ACE: variants seen among roughly 807,000 people sequenced by gnomAD.
ACE encodes angiotensin-converting enzyme.
ACE carries 122 observed loss-of-function variants against 162.3 expected under a neutral mutation model. The observed-to-expected ratio is 0.75, with a 90% CI of 0.65 to 0.87. The LOEUF (loss-of-function observed/expected upper bound fraction) is 0.87. ACE is among the 40% of genes least tolerant of loss of function. The pLI, the probability that ACE is intolerant of heterozygous loss-of-function variation, is 0.00. For synonymous variants in ACE, 796 were observed against 720.6 expected, an observed-to-expected ratio of 1.10 and a Z score of -1.68; for missense variants, 1,799 against 1,735.1, an observed-to-expected ratio of 1.04 and a Z score of -0.65.
At chr17:63,479,746 G>A (rs760610513) in intron 3 of ACE, 23 bp from the exon 4 acceptor site, 11 of 1,612,562 alleles carry the variant, frequency 6.8e-6, no homozygotes, top group South Asian at 4.4e-5. Context: ...CCTCCTCACC[G>A]ACCCTGCCTG....
rs751127924 is a variant in ACE at position 63,491,000 on chromosome 17, G to T, written c.2688G>T (p.Val896=). 2 of 1,614,212 alleles carry T rather than the reference G, an allele frequency of 1.2e-6. No individual in the cohort carries two copies. The highest frequency in any genetic ancestry group is 1.1e-5 in the South Asian group (1 of 91,082). ...QTWSNIYDLV[V]PFPSAPSMDT... ...GGTCCAACATCTATGACTTGGTGGTGCCCTTCCCTTCAGCCCCCTCGATGG... is the reference window on the plus strand; with the variant it reads ...GGTCCAACATCTATGACTTGGTGGTTCCCTTCCCTTCAGCCCCCTCGATGG... Residue 896 remains valine, a synonymous_variant, in exon 18 of 25, where the codon GTG becomes GTT. Transcript: ENST00000290866.
chr17:63,493,526 C>G lies in ACE; in HGVS notation c.3003C>G (p.Asp1001Glu). The G allele has an allele frequency of 6.2e-7, 1 of 1,614,132 alleles. No individual in the cohort carries two copies. Among genetic ancestry groups the G allele is most frequent in the Non-Finnish European group, 8.5e-7 (1 of 1,180,042 alleles). The change falls in exon 20 of 25, where the codon GAC becomes GAG. Residue 1001 changes from aspartate to glutamate, a missense_variant. Physicochemically the swap from Asp to Glu is conservative, Grantham distance 45. Coordinates refer to ENST00000290866, the MANE Select transcript of ACE (RefSeq NM_000789.4). ...TCCAGTATTTCATGCAGTACAAAGA[C>G]TTACCTGTGGCCTTGAGGGAGGGTG... is the stretch of plus-strand genomic sequence containing the variant. The part of the protein sequence containing the change: ...GHIQYFMQYK[D>E]LPVALREGAN...
intron 4 of ACE, 113 bp downstream of exon 4, chr17:63,480,025 C>T: frequency 1.4e-6 from 2 of 1,465,360 alleles, no homozygotes; most frequent in South Asian, 2.4e-5. Context: ...TTCCAGCAGG[C>T]CCTGAGTTTC....
rs1389249873 is a variant in ACE at position 63,481,471 on chromosome 17, T to C, written c.946-95T>C. On this transcript the variant is annotated intron_variant, in intron 6 of 24. Coordinates refer to ENST00000290866, the MANE Select transcript of ACE (RefSeq NM_000789.4). ...TGGCCACAGAGCAGAGAAGCTTTCA[T>C]GCACAGGGAGTTGACCCGAGATGGG... is the stretch of plus-strand genomic sequence containing the variant. The C allele has an allele frequency of 1.2e-5, 17 of 1,387,096 alleles. No homozygotes were observed. In the East Asian group the frequency reaches 3.9e-4, roughly 32 times the overall value. The allele number at this position is 1,387,096 out of a possible 1,614,324, so 85.9% of individuals were successfully genotyped here.
intron 4 of ACE, 58 bp downstream of exon 4, chr17:63,479,970 C>A: frequency 6.4e-7 from 1 of 1,557,522 alleles, no homozygotes; most frequent in East Asian, 2.4e-5. Flanking sequence ...CAGCTGTCTC[C>A]CCAGAGTCCC....
chr17:63,489,188 G>A (rs957107965), intron 17 of ACE, 56 bp downstream of exon 17: 1 of 1,584,560 alleles, frequency 6.3e-7, no homozygotes. Flanking sequence ...GTGTGAGTGA[G>A]GGTTGGGACA....
At chr17:63,494,581 G>C (rs1400140905) in intron 22 of ACE, 111 bp downstream of exon 22, 2 of 991,578 alleles carry the variant, frequency 2.0e-6, no homozygotes, top group Non-Finnish European at 3.1e-6. Flanking sequence ...CAGACCCGGG[G>C]GAGCCGGCCG....
rs770787358 is a variant in ACE, at chr17:63,478,117, C to T, written c.417+19C>T. The T allele has an allele frequency of 1.3e-6, 2 of 1,565,752 alleles. No individual in the cohort carries two copies. The highest frequency in any genetic ancestry group is 1.2e-5 in the South Asian group (1 of 85,580). On this transcript the variant is annotated intron_variant, in intron 2 of 24. Coordinates refer to ENST00000290866, the MANE Select transcript of ACE (RefSeq NM_000789.4). ...GCAGCAGGTGGGCTGAGGGCTGAGG[C>T]AGAGCTCGGGGGCGGCCTCCTAGTG... is the stretch of plus-strand genomic sequence containing the variant.
chr17:63,497,597 C>A lies in ACE; in HGVS notation c.*231C>A, dbSNP rs1157142603. On this transcript the variant is annotated 3_prime_UTR_variant, in exon 25 of 25. Transcript: ENST00000290866. Reference sequence around the variant, plus strand: ...ACCTCTCCAAGTCTCTCTGTGAATACAATTAAAGGTCCTGCCCTCCCCATC... The same window carrying A: ...ACCTCTCCAAGTCTCTCTGTGAATAAAATTAAAGGTCCTGCCCTCCCCATC... 5 of 699,968 alleles carry A rather than the reference C, an allele frequency of 7.1e-6. No homozygotes were observed. Among genetic ancestry groups the A allele is most frequent in the Non-Finnish European group, 1.3e-5 (5 of 383,830 alleles). The allele number at this position is 699,968 out of a possible 1,614,324, so 43.4% of individuals were successfully genotyped here.
chr17:63,483,768 G>C (rs1049588278), intron 10 of ACE, 81 bp from the exon 11 acceptor site: 2 of 1,607,870 alleles, frequency 1.2e-6, no homozygotes, highest in Admixed American at 3.3e-5. Flanking sequence ...CTGCCCTGCA[G>C]GAAGCTGGAT....
At position 63,491,464 on chromosome 17, in the gene ACE, C is replaced by T; in HGVS notation, c.2912+83C>T. ...CCAAGCAAAGGGTCCACTACTGTCC[C>T]CCAGCTGGAGCCAGCAGGGCAGGAT... On this transcript the variant is annotated intron_variant, in intron 19 of 24. Transcript: ENST00000290866. The surrounding 1 kb of genome is among the most constrained non-coding windows in gnomAD (Gnocchi z 4.4). 1 of 1,572,776 alleles carries T rather than the reference C, an allele frequency of 6.4e-7. No homozygotes were observed. Among genetic ancestry groups the T allele is most frequent in the East Asian group, 2.2e-5 (1 of 44,634 alleles).
Position 63,491,480 on chromosome 17 carries a change from A to G in ACE, c.2912+99A>G, listed in dbSNP as rs1020597058. 1.1e-5 allele frequency: 16 copies of G among 1,507,236 alleles called. No homozygotes were observed. The highest frequency in any genetic ancestry group is 1.5e-5 in the Non-Finnish European group (16 of 1,093,422). 93.4% of individuals were successfully genotyped at this position (1,507,236 alleles called of 1,614,324 possible). ...CTACTGTCCCCCAGCTGGAGCCAGC[A>G]GGGCAGGATGGGGACAGGGCCAGAG... On this transcript the variant is annotated intron_variant, in intron 19 of 24. Coordinates refer to ENST00000290866, the MANE Select transcript of ACE (RefSeq NM_000789.4). The surrounding 1 kb of genome is among the most constrained non-coding windows in gnomAD (Gnocchi z 4.4).
Position 63,488,360 on chromosome 17 carries a change from GAAAA to G in ACE, c.2306-270_2306-267del, listed in dbSNP as rs561946751. Among the ~76,000 whole-genome samples the G allele has an allele frequency of 5.5e-3, 537 of 98,430 alleles. 4 individuals are homozygous for G. The highest frequency in any genetic ancestry group is 0.019 in the African/African-American group (481 of 24,732). 64.6% of individuals were successfully genotyped at this position (98,430 alleles called of 152,430 possible). A position where few individuals can be genotyped will look rare whatever the true frequency, so the allele number is the denominator to read the frequency against. ...GGCAACAGAGTGAGACCCTGTCTCA[GAAAA>G]AAAAAAAAAAAAAAAAAGGAGAGGA... is the stretch of plus-strand genomic sequence containing the variant. On this transcript the variant is annotated intron_variant, in intron 15 of 24. Transcript: ENST00000290866.
At position 63,484,276 on chromosome 17, in the gene ACE, G is replaced by A. The variant is rs12720729; in HGVS notation, c.1710-54G>A. 7.0e-5 allele frequency: 110 copies of A among 1,562,192 alleles called. No homozygotes were observed. The African/African-American group carries it at 1.4e-3, about 20-fold the overall frequency. On this transcript the variant is annotated intron_variant, in intron 11 of 24. Coordinates refer to ENST00000290866, the MANE Select transcript of ACE (RefSeq NM_000789.4). The surrounding 1 kb of genome is among the most constrained non-coding windows in gnomAD (Gnocchi z 4.0). ...CAGGGGCATGTGGGCCGGGGTCCAG[G>A]AGCAGACTCCAGCCTGAGTCCCCTG...
chr17:63,495,712 G>C (rs1466839071), intron 22 of ACE, among the ~76,000 whole-genome samples: 1 of 152,236 alleles, frequency 6.6e-6, no homozygotes, highest in Non-Finnish European at 1.5e-5. Flanking sequence ...GCTTAATGCA[G>C]ACAATTCTCC....
At chr17:63,495,436 G>A (rs926959242) in intron 22 of ACE, among the ~76,000 whole-genome samples, 5 of 152,198 alleles carry the variant, frequency 3.3e-5, no homozygotes, top group African/African-American at 1.2e-4. Context: ...CAAGGGCAGG[G>A]CCCATGCCCA....
At chr17:63,487,537 G>T (rs140100548) in intron 15 of ACE, among the ~76,000 whole-genome samples, 2 of 152,016 alleles carry the variant, frequency 1.3e-5, no homozygotes, top group South Asian at 2.1e-4. Flanking sequence ...CCCTGAAAGC[G>T]CCAGACTAGA....
At chr17:63,478,719 A>G in intron 2 of ACE, 1 of 498,496 alleles carries the variant, frequency 2.0e-6, no homozygotes, top group South Asian at 2.0e-5. Context: ...AAAGCCAGAG[A>G]ATGGGAGGGA....
intron 14 of ACE, 21 bp downstream of exon 14, chr17:63,486,736 A>G (rs770122767): frequency 3.1e-6 from 5 of 1,614,092 alleles, no homozygotes; most frequent in South Asian, 1.1e-5. Flanking sequence ...CGCAAGGTAC[A>G]GGGAGAGGGG....
Sources: allele counts gnomAD v4.1 joint callset (sites outside exome capture counted in the v4.1 genomes callset), GRCh38; gene constraint gnomAD v4.1.1; non-coding constraint Gnocchi (gnomAD v3.1); transcripts MANE v1.5; gene names NCBI Gene and HGNC (gene_info 2026-07-23, HGNC 2026-07-21).